Variants in ZNF445 observed in about 807,000 individuals in gnomAD.
ZNF445 encodes zinc finger protein 445, also known as zinc finger protein 168.
ZNF445 carries 19 observed loss-of-function variants against 93.9 expected under a neutral mutation model. The ratio of observed to expected loss-of-function variants is 0.20; its 90% CI spans 0.14 to 0.30. The LOEUF is 0.30. Ranked by LOEUF, ZNF445 falls within the 10% of genes least tolerant of loss-of-function variation. ZNF445 has a pLI of 1.00. For missense variants in ZNF445, 1,058 were observed against 1,259.4 expected (o/e 0.84, Z 2.42); for synonymous variants, 449 against 446.3 (o/e 1.01, Z -0.08).
chr3:44,460,259 A>G (rs1698092813), intron 1 of ZNF445, among the ~76,000 whole-genome samples: 1 of 152,198 alleles, frequency 6.6e-6, no homozygotes, highest in African/African-American at 2.4e-5. Flanking sequence ...CTAGCCTCCA[A>G]GCTGTCTTTG....
chr3:44,471,715 C>A (rs1255336204), intron 1 of ZNF445, among the ~76,000 whole-genome samples: 1 of 152,142 alleles, frequency 6.6e-6, no homozygotes, highest in Non-Finnish European at 1.5e-5. Flanking sequence ...AAAAAAGAAA[C>A]TACAGCCCTA....
In ZNF445 at chr3:44,450,512, T is replaced by C. The variant is rs1697942722; in HGVS notation, c.755A>G (p.Asp252Gly). Residue 252 changes from aspartate (D) to glycine (G), a missense_variant, in exon 6 of 8, where the codon GAC becomes GGC. Around this residue, in one of 3 missense-constraint regions of ZNF445, gnomAD observed 657 missense variants for 746.4 expected, o/e 0.88. Transcript: ENST00000396077. ...CCTGTACAGGTTCCTCTGAGCAGAGTCCAGCCACCCCCACTCGTCCTGGGA... is the reference window on the plus strand; with the variant it reads ...CCTGTACAGGTTCCTCTGAGCAGAGCCCAGCCACCCCCACTCGTCCTGGGA... ...TFSQDEWGWL[D>G]SAQRNLYRDV... The C allele has an allele frequency of 1.2e-6, 2 of 1,613,926 alleles. No individual in the cohort carries two copies. The highest frequency in any genetic ancestry group is 3.3e-5 in the Admixed American group (2 of 59,984).
intron 1 of ZNF445, among the ~76,000 whole-genome samples, chr3:44,459,179 CCT>C (rs535170855): frequency 1.7e-3 from 255 of 152,254 alleles, no homozygotes; most frequent in African/African-American, 5.5e-3. Context: ...CAGACCTCCC[CCT>C]GTGTATCTCT....
chr3:44,460,616 A>G (rs9812663), intron 1 of ZNF445, among the ~76,000 whole-genome samples: 59,733 of 151,876 alleles, frequency 0.39, 13,065 homozygotes, highest in East Asian at 0.86. Context: ...GCAACTCCCT[A>G]TGATTTCATC....
chr3:44,473,889 A>G (rs1698307424), intron 1 of ZNF445, among the ~76,000 whole-genome samples: 1 of 152,206 alleles, frequency 6.6e-6, no homozygotes, highest in African/African-American at 2.4e-5. Flanking sequence ...GAATAAATAA[A>G]TAACAGGGGA....
At chr3:44,453,949 T>A (rs1106499) in intron 3 of ZNF445, among the ~76,000 whole-genome samples, 109,252 of 152,010 alleles carry the variant, frequency 0.72, 39,833 homozygotes, top group East Asian at 1. Flanking sequence ...TCAGCCCAGC[T>A]CTGCCCCTCA....
chr3:44,459,832 T>C (rs956426833), intron 1 of ZNF445, among the ~76,000 whole-genome samples: 3 of 152,050 alleles, frequency 2.0e-5, no homozygotes, highest in Non-Finnish European at 4.4e-5. Context: ...AACCACACAC[T>C]AAAAAAATGA....
chr3:44,454,869 G>A (rs1698005834), intron 3 of ZNF445: 2 of 537,358 alleles, frequency 3.7e-6, no homozygotes, highest in African/African-American at 3.8e-5. Context: ...GTGCCCAGAA[G>A]TTGCTGTTAT....
intron 1 of ZNF445, among the ~76,000 whole-genome samples, chr3:44,469,269 T>C (rs982351727): frequency 2.6e-5 from 4 of 152,178 alleles, no homozygotes; most frequent in African/African-American, 9.6e-5. Flanking sequence ...CAATGTTTAC[T>C]TATGGAGATG....
In ZNF445 at chr3:44,447,475, G is replaced by T; in HGVS notation, c.2196C>A (p.Ala732=). 1 of 1,614,082 alleles carries T rather than the reference G, an allele frequency of 6.2e-7. No homozygotes were observed. The highest frequency in any genetic ancestry group is 2.2e-5 in the East Asian group (1 of 44,882). The change falls in exon 8 of 8, where the codon GCC becomes GCA. Residue 732 remains alanine (A), a synonymous_variant. Transcript: ENST00000396077. The surrounding 1 kb of genome is among the most constrained non-coding windows in gnomAD (Gnocchi z 4.7). ...SAFIVHKKKH[A]MKRKPEGGPS... ...GCCCGCCCTCAGGTTTTCTTTTCAT[G>T]GCATGCTTCTTCTTATGAACAATAA...
Position 44,441,834 on chromosome 3 carries a change from T to A in ZNF445, c.*4741A>T, listed in dbSNP as rs1697815719. 1.3e-5 allele frequency: 2 copies of A among 152,218 alleles called. No individual in the cohort carries two copies. The highest frequency in any genetic ancestry group is 2.9e-5 in the Non-Finnish European group (2 of 68,042). 9.4% of individuals were successfully genotyped at this position (152,218 alleles called of 1,614,324 possible). On this transcript the variant is annotated 3_prime_UTR_variant, in exon 8 of 8. Transcript: ENST00000396077. ...GGTCTCCTGCCTTAGGAAGGCAGAA[T>A]GGTGACTTGCACACATCGTTCCAAT...
chr3:44,452,969 A>C (rs1005566766), intron 3 of ZNF445, among the ~76,000 whole-genome samples: 1 of 145,918 alleles, frequency 6.9e-6, no homozygotes, highest in African/African-American at 2.6e-5. Flanking sequence ...GATGGTGTGC[A>C]GTGGCGTGAT....
chr3:44,456,432 G>A (rs1248408078), intron 2 of ZNF445, among the ~76,000 whole-genome samples: 1 of 152,000 alleles, frequency 6.6e-6, no homozygotes, highest in Non-Finnish European at 1.5e-5. Context: ...AAGCAAGCAA[G>A]CAAGCAAACA....
intron 1 of ZNF445, among the ~76,000 whole-genome samples, chr3:44,466,181 T>A (rs189753477): frequency 0.011 from 1,706 of 152,210 alleles, 18 homozygotes; most frequent in Non-Finnish European, 0.013. Context: ...TTTTCTTTTT[T>A]AAAAAAAATT....
chr3:44,443,176 A>G lies in ZNF445; in HGVS notation c.*3399T>C, dbSNP rs1462999433. On this transcript the variant is annotated 3_prime_UTR_variant, in exon 8 of 8. Coordinates refer to ENST00000396077, the MANE Select transcript of ZNF445 (RefSeq NM_181489.6). ...CAGGTGAAGGGAGGCAGCACAAGGC[A>G]GAACACTCTGGGGGGCTGGCATGGG... 6.6e-6 allele frequency: 1 copy of G among 152,326 alleles called. No individual in the cohort carries two copies. Among genetic ancestry groups the G allele is most frequent in the Non-Finnish European group, 1.5e-5 (1 of 68,112 alleles). The allele number at this position is 152,326 out of a possible 1,614,324, so 9.4% of individuals were successfully genotyped here.
intron 1 of ZNF445, among the ~76,000 whole-genome samples, chr3:44,476,501 T>TG (rs1698358385): frequency 1.3e-5 from 2 of 151,906 alleles, no homozygotes; most frequent in Non-Finnish European, 2.9e-5. Flanking sequence ...ACACAACACA[T>TG]GGAGGCTCTC....
chr3:44,453,056 G>A (rs1362100906), intron 3 of ZNF445, among the ~76,000 whole-genome samples: 2 of 151,614 alleles, frequency 1.3e-5, no homozygotes, highest in Non-Finnish European at 2.9e-5. Flanking sequence ...TGAGACTACA[G>A]GCGAACACCA....
chr3:44,473,453 T>TCTCACACACA (rs1491338197), intron 1 of ZNF445, among the ~76,000 whole-genome samples: 1 of 60,848 alleles, frequency 1.6e-5, no homozygotes, highest in Admixed American at 2.1e-4. Context: ...AAACTCCACT[T>TCTCACACACA]CACACACACA....
Position 44,448,515 on chromosome 3 carries a change from T to C in ZNF445, c.1156A>G (p.Lys386Glu). 1.2e-6 allele frequency: 2 copies of C among 1,614,040 alleles called. No homozygotes were observed. Among genetic ancestry groups the C allele is most frequent in the South Asian group, 1.1e-5 (1 of 91,056 alleles). ...EETNFSHRTG[K>E]DSEVSGSNSL... ...TTACTTCCTGATACTTCAGAGTCTT[T>C]TCCTGTCCTGTGACTGAAATTGGTC... Residue 386 changes from lysine (K) to glutamate (E), a missense_variant, in exon 8 of 8, where the codon AAA (lysine) becomes GAA (glutamate). Lys to Glu is a moderately conservative substitution (Grantham distance 56, BLOSUM62 1). Coordinates refer to ENST00000396077, the MANE Select transcript of ZNF445 (RefSeq NM_181489.6).
Sources: allele counts gnomAD v4.1 joint callset (sites outside exome capture counted in the v4.1 genomes callset), GRCh38; gene constraint gnomAD v4.1.1; regional missense constraint gnomAD v4.1.1; non-coding constraint Gnocchi (gnomAD v3.1); transcripts MANE v1.5; gene names NCBI Gene and HGNC (gene_info 2026-07-23, HGNC 2026-07-21).